Variants in QRSL1 observed in about 807,000 individuals in gnomAD.
The protein encoded by QRSL1 is glutamyl-tRNA(Gln) amidotransferase subunit A, mitochondrial.
A neutral mutation model predicts 61.6 loss-of-function variants in QRSL1; 54 were observed. The ratio of observed to expected loss-of-function variants is 0.88; its 90% CI spans 0.70 to 1.10. The LOEUF is 1.10. Ranked by LOEUF, QRSL1 falls within the 50% of genes least tolerant of loss-of-function variation. QRSL1 has a pLI of 0.00. For synonymous variants in QRSL1, 228 were observed against 225.7 expected, an observed-to-expected ratio of 1.01 and a Z score of -0.09; for missense variants, 505 against 622.6, an observed-to-expected ratio of 0.81 and a Z score of 2.01.
chr6:106,633,242 C>T (rs1776865476), intron 1 of QRSL1, among the ~76,000 whole-genome samples: 1 of 152,208 alleles, frequency 6.6e-6, no homozygotes, highest in Non-Finnish European at 1.5e-5. Flanking sequence ...TACCTTCTGT[C>T]TACTTTGTAT....
At chr6:106,654,104 C>G (rs1183983861) in intron 7 of QRSL1, among the ~76,000 whole-genome samples, 1 of 152,166 alleles carries the variant, frequency 6.6e-6, no homozygotes, top group Non-Finnish European at 1.5e-5. Flanking sequence ...GTAATCCCAG[C>G]ACTTTGGGAG....
intron 1 of QRSL1, among the ~76,000 whole-genome samples, chr6:106,633,710 TC>T (rs1776873392): frequency 6.6e-6 from 1 of 152,196 alleles, no homozygotes; most frequent in Non-Finnish European, 1.5e-5. Flanking sequence ...ATATTATTAA[TC>T]CTAAAGTTTA....
chr6:106,638,405 A>C (rs763759992), intron 1 of QRSL1, among the ~76,000 whole-genome samples: 56 of 152,046 alleles, frequency 3.7e-4, no homozygotes, highest in Admixed American at 1.0e-3. Context: ...CCCGGGTTCA[A>C]GCGATTCTTC....
intron 9 of QRSL1, among the ~76,000 whole-genome samples, chr6:106,660,967 C>T (rs1777347086): frequency 6.6e-6 from 1 of 152,130 alleles, no homozygotes; most frequent in Non-Finnish European, 1.5e-5. Context: ...TAAATTTCAG[C>T]ATGAGTTTTG....
At chr6:106,652,122 G>A (rs1437021131) in intron 5 of QRSL1, 87 bp from the exon 6 acceptor site, 1 of 1,320,402 alleles carries the variant, frequency 7.6e-7, no homozygotes, top group African/African-American at 1.5e-5. Context: ...GGAAAATACA[G>A]TTTAAAAATA....
Position 106,654,670 on chromosome 6 carries a change from C to T in QRSL1, c.850-60C>T, listed in dbSNP as rs1368629116. The T allele has an allele frequency of 4.2e-6, 6 of 1,428,122 alleles. No homozygotes were observed. The African/African-American group carries it at 7.3e-5, about 17-fold the overall frequency. The allele number at this position is 1,428,122 out of a possible 1,614,324, so 88.5% of individuals were successfully genotyped here. A position where few individuals can be genotyped will look rare whatever the true frequency, so the allele number is the denominator to read the frequency against. ...TAAAATCATCTATACAGATGAAGTA[C>T]AAATTTTTATAAAATAATCTATACA... On this transcript the variant is annotated intron_variant, in intron 7 of 10. Coordinates refer to ENST00000369046, the MANE Select transcript of QRSL1 (RefSeq NM_018292.5).
chr6:106,655,545 C>A, intron 8 of QRSL1, 70 bp from the exon 9 acceptor site: 1 of 878,594 alleles, frequency 1.1e-6, no homozygotes, highest in South Asian at 1.4e-5. Flanking sequence ...TGAATCTAGG[C>A]CTGATTTTAG....
chr6:106,658,151 T>G (rs925129971), intron 9 of QRSL1, among the ~76,000 whole-genome samples: 1 of 152,202 alleles, frequency 6.6e-6, no homozygotes, highest in African/African-American at 2.4e-5. Flanking sequence ...GTAATTTTTC[T>G]CTTAAAAAGA....
intron 5 of QRSL1, among the ~76,000 whole-genome samples, chr6:106,651,259 G>A (rs1340503417): frequency 6.6e-6 from 1 of 152,036 alleles, no homozygotes; most frequent in Non-Finnish European, 1.5e-5. Context: ...AAACTCTGTA[G>A]GTAACTGGGT....
chr6:106,657,969 C>T (rs569593782), intron 9 of QRSL1, among the ~76,000 whole-genome samples: 136 of 152,268 alleles, frequency 8.9e-4, no homozygotes, highest in African/African-American at 3.1e-3. Context: ...TCCCAAAGTG[C>T]TGGGATTACA....
intron 9 of QRSL1, among the ~76,000 whole-genome samples, chr6:106,659,479 A>C (rs1272616735): frequency 6.6e-6 from 1 of 151,756 alleles, no homozygotes; most frequent in East Asian, 1.9e-4. Context: ...AAAAAAAAAA[A>C]ACATATTTAT....
intron 4 of QRSL1, among the ~76,000 whole-genome samples, chr6:106,648,245 G>A (rs6900574): frequency 2.6e-5 from 4 of 151,648 alleles, no homozygotes; most frequent in African/African-American, 9.7e-5. Context: ...GCAGTGAGCC[G>A]AGATCGCGCC....
chr6:106,640,858 G>T lies in QRSL1; in HGVS notation c.220G>T (p.Ala74Ser). The change falls in exon 3 of 11, where the codon GCA becomes TCA. Residue 74 changes from alanine to serine, a missense_variant. Coordinates refer to ENST00000369046, the MANE Select transcript of QRSL1 (RefSeq NM_018292.5). Reference sequence around the variant, plus strand: ...TGGGGATTTAGATGGAATTCCTATTGCAGTAAAAGACAATTTCAGCACTTC... The same window carrying T: ...TGGGGATTTAGATGGAATTCCTATTTCAGTAAAAGACAATTTCAGCACTTC... ...SLGDLDGIPI[A>S]VKDNFSTSGI... 1 of 1,613,664 alleles carries T rather than the reference G, an allele frequency of 6.2e-7. No homozygotes were observed. The highest frequency in any genetic ancestry group is 1.7e-4 in the Middle Eastern group (1 of 6,056).
chr6:106,666,270 CCACTG>C lies in QRSL1; in HGVS notation c.*278_*282del, dbSNP rs1777433335. 2.4e-6 allele frequency: 1 copy of C among 422,064 alleles called. No homozygotes were observed. The highest frequency in any genetic ancestry group is 4.4e-6 in the Non-Finnish European group (1 of 227,704). The allele number at this position is 422,064 out of a possible 1,614,324, so 26.1% of individuals were successfully genotyped here. A position where few individuals can be genotyped will look rare whatever the true frequency, so the allele number is the denominator to read the frequency against. On this transcript the variant is annotated 3_prime_UTR_variant, in exon 11 of 11. Transcript: ENST00000369046. ...GAGGTTGCAGTGAGCCGAGATCATG[CCACTG>C]CACTGCACTCCAGCCTGGGTGACAA... is the stretch of plus-strand genomic sequence containing the variant.
chr6:106,658,111 CCTTTT>C lies in QRSL1; in HGVS notation c.1160+2383_1160+2387del, dbSNP rs1777299591. 2.0e-5 allele frequency among the ~76,000 whole-genome samples: 3 copies of C among 152,098 alleles called. No individual in the cohort carries two copies. The South Asian group carries it at 6.2e-4, about 32-fold the overall frequency. ...TCCCATCTGTTCTTTTTTCTTTTAA[CCTTTT>C]CTTCTGCTTTTTTTTCTTTAAATAG... is the stretch of plus-strand genomic sequence containing the variant. On this transcript the variant is annotated intron_variant, in intron 9 of 10. Transcript: ENST00000369046.
Position 106,665,961 on chromosome 6 carries a change from C to T in QRSL1, c.1546C>T (p.Leu516Phe), listed in dbSNP as rs757525114. ...QELMDDCSAV[L>F]ENEKLASVSL... ...ACTCATGGATGATTGTTCAGCAGTC[C>T]TTGAAAATGAAAAGTTAGCCTCTGT... The change falls in exon 11 of 11, where the codon CTT becomes TTT. Residue 516 changes from leucine to phenylalanine, a missense_variant. Leu to Phe is a conservative substitution (Grantham distance 22). Coordinates refer to ENST00000369046, the MANE Select transcript of QRSL1 (RefSeq NM_018292.5). 4.3e-6 allele frequency: 7 copies of T among 1,613,872 alleles called. No homozygotes were observed. The highest frequency in any genetic ancestry group is 2.7e-5 in the African/African-American group (2 of 74,928).
rs546139924 is a variant in QRSL1, at chr6:106,651,055, G to A, written c.558-1154G>A. ...TTCAGAACACTTTTCATCTTGCAAC[G>A]CTAAAACTGTGTACCCTTCAACCCT... is the stretch of plus-strand genomic sequence containing the variant. On this transcript the variant is annotated intron_variant, in intron 5 of 10. Transcript: ENST00000369046. 1.1e-4 allele frequency among the ~76,000 whole-genome samples: 16 copies of A among 152,088 alleles called. No individual in the cohort carries two copies. The South Asian group carries it at 1.9e-3, about 18-fold the overall frequency.
rs752057686 is a variant in QRSL1 at position 106,649,201 on chromosome 6, C to T, written c.557C>T (p.Ala186Val). ...AAAVSAFTCYAALGSDTGGST... is the reference protein window; with the variant it reads ...AAAVSAFTCYVALGSDTGGST... ...GCTGTATCGGCGTTCACATGCTACG[C>T]GTAAGATGCTTTTCTCTATCTGTAT... The change falls in exon 5 of 11, where the codon GCG becomes GTG. Residue 186 changes from alanine to valine, a missense_variant and splice_region_variant. Physicochemically the swap from Ala to Val is moderately conservative, Grantham distance 64. Coordinates refer to ENST00000369046, the MANE Select transcript of QRSL1 (RefSeq NM_018292.5). 1.4e-5 allele frequency: 23 copies of T among 1,613,382 alleles called. No homozygotes were observed. Among genetic ancestry groups the T allele is most frequent in the South Asian group, 9.9e-5 (9 of 91,038 alleles).
intron 8 of QRSL1, 28 bp from the exon 9 acceptor site, chr6:106,655,587 G>T: frequency 7.0e-7 from 1 of 1,425,648 alleles, no homozygotes; most frequent in Non-Finnish European, 9.8e-7. Context: ...TTCCTTTCAA[G>T]TAATGTTTAC....
Sources: allele counts gnomAD v4.1 joint callset (sites outside exome capture counted in the v4.1 genomes callset), GRCh38; gene constraint gnomAD v4.1.1; transcripts MANE v1.5; gene names NCBI Gene and HGNC (gene_info 2026-07-23, HGNC 2026-07-21).